The following VGLL4 variants were observed in gnomAD, a reference collection of about 807,000 sequenced individuals.
VGLL4 encodes the protein transcription cofactor vestigial-like protein 4.
VGLL4 carries 7 observed loss-of-function variants against 21.0 expected under a neutral mutation model. The observed-to-expected ratio is 0.33, with a 90% CI of 0.19 to 0.63. The LOEUF (loss-of-function observed/expected upper bound fraction) is 0.63. VGLL4 is among the 20% of genes least tolerant of loss of function. The pLI, the probability that VGLL4 is intolerant of heterozygous loss-of-function variation, is 0.78. For missense variants in VGLL4, 394 were observed against 425.7 expected (o/e 0.93, Z 0.66); for synonymous variants, 222 against 173.2 (o/e 1.28, Z -2.21).
chr3:11,651,741 G>C (rs1391779974), intron 2 of VGLL4, among the ~76,000 whole-genome samples: 1 of 150,998 alleles, frequency 6.6e-6, no homozygotes, highest in African/African-American at 2.4e-5. Flanking sequence ...AAGTACCAGG[G>C]AGTAGCTGAT....
intron 1 of VGLL4, among the ~76,000 whole-genome samples, chr3:11,634,817 G>C (rs1025903168): frequency 6.6e-6 from 1 of 151,830 alleles, no homozygotes; most frequent in Non-Finnish European, 1.5e-5. Flanking sequence ...ATCTGGGATC[G>C]CGCACCAGCA....
intron 3 of VGLL4, 67 bp downstream of exon 3, chr3:11,564,730 G>C: frequency 6.8e-7 from 1 of 1,475,286 alleles, no homozygotes; most frequent in Non-Finnish European, 9.0e-7. Flanking sequence ...TCTGCTCGGG[G>C]CTCTCCATCC....
At chr3:11,651,322 G>A (rs1230521537) in intron 2 of VGLL4, among the ~76,000 whole-genome samples, 2 of 144,594 alleles carry the variant, frequency 1.4e-5, no homozygotes, top group East Asian at 2.0e-4. Context: ...CAGCCTAAGC[G>A]ATAGAGTGAG....
chr3:11,601,525 C>T (rs1005019539), intron 2 of VGLL4, among the ~76,000 whole-genome samples: 2 of 152,128 alleles, frequency 1.3e-5, no homozygotes, highest in Admixed American at 6.5e-5. Context: ...CAAAAAAAAG[C>T]GAAGCTTAGC....
chr3:11,677,871 C>T (rs990804049), intron 2 of VGLL4, among the ~76,000 whole-genome samples: 12 of 148,110 alleles, frequency 8.1e-5, no homozygotes, highest in African/African-American at 3.0e-4. Flanking sequence ...TGCCACTGTA[C>T]TCCATCCAGC....
intron 2 of VGLL4, among the ~76,000 whole-genome samples, chr3:11,589,100 C>T (rs1274234480): frequency 6.6e-6 from 1 of 152,072 alleles, no homozygotes; most frequent in Non-Finnish European, 1.5e-5. Context: ...GGGAGGAGAG[C>T]CCTTCAGGGA....
intron 3 of VGLL4, among the ~76,000 whole-genome samples, chr3:11,563,431 A>T (rs1328767040): frequency 6.6e-6 from 1 of 152,170 alleles, no homozygotes; most frequent in Non-Finnish European, 1.5e-5. Flanking sequence ...CGCACTGCGC[A>T]CACGCCTCTG....
chr3:11,618,814 G>A (rs1007817476), intron 1 of VGLL4, among the ~76,000 whole-genome samples: 2 of 151,778 alleles, frequency 1.3e-5, no homozygotes, highest in Non-Finnish European at 2.9e-5. Context: ...TGAAGGTGAA[G>A]GAGGTTTCCC....
chr3:11,691,696 T>C (rs896617340), intron 2 of VGLL4, among the ~76,000 whole-genome samples: 16 of 152,130 alleles, frequency 1.1e-4, no homozygotes, highest in African/African-American at 3.9e-4. Context: ...CCCCTTTCTC[T>C]CTCTTCACCC....
At chr3:11,616,843 T>A (rs1266210495) in intron 1 of VGLL4, among the ~76,000 whole-genome samples, 1 of 152,188 alleles carries the variant, frequency 6.6e-6, no homozygotes, top group Non-Finnish European at 1.5e-5. Flanking sequence ...GTGGGAGTGA[T>A]AAGTTATGGA....
Position 11,651,499 on chromosome 3 carries a change from G to A in VGLL4, c.65-49477C>T, listed in dbSNP as rs559422133. 1.3e-4 allele frequency among the ~76,000 whole-genome samples: 19 copies of A among 142,656 alleles called. No homozygotes were observed. In the South Asian group the frequency reaches 3.2e-3, roughly 24 times the overall value. The allele number at this position is 142,656 out of a possible 152,430, so 93.6% of individuals were successfully genotyped here. Reference sequence around the variant, plus strand: ...GGCCTAGCTGAATTACCAACCCCCCGCCCCCACCAAGAACCATTAGCTAGG... The same window carrying A: ...GGCCTAGCTGAATTACCAACCCCCCACCCCCACCAAGAACCATTAGCTAGG... On this transcript the variant is annotated intron_variant, in intron 2 of 5. Transcript: ENST00000273038.
At chr3:11,705,316 C>CCG (rs1227284416) in intron 1 of VGLL4, among the ~76,000 whole-genome samples, 1 of 152,202 alleles carries the variant, frequency 6.6e-6, no homozygotes, top group Non-Finnish European at 1.5e-5. Flanking sequence ...GGCACTGGCA[C>CCG]CGGAGCCGCG....
At chr3:11,598,597 C>T (rs796692502) in intron 2 of VGLL4, among the ~76,000 whole-genome samples, 25 of 152,160 alleles carry the variant, frequency 1.6e-4, no homozygotes, top group African/African-American at 5.5e-4. Context: ...TAAAGCTATC[C>T]TCCCACCTCA....
intron 2 of VGLL4, among the ~76,000 whole-genome samples, chr3:11,668,963 C>G (rs1413539277): frequency 6.6e-6 from 1 of 152,220 alleles, no homozygotes; most frequent in South Asian, 2.1e-4. Flanking sequence ...ACCAACCAGG[C>G]TGAAATCATC....
At chr3:11,672,582 T>C (rs1238683723) in intron 2 of VGLL4, among the ~76,000 whole-genome samples, 1 of 152,220 alleles carries the variant, frequency 6.6e-6, no homozygotes, top group African/African-American at 2.4e-5. Context: ...AATGACATAC[T>C]CATCCTGAGC....
At chr3:11,664,074 CTAAAAACACAAAA>C (rs1453830723) in intron 2 of VGLL4, among the ~76,000 whole-genome samples, 3 of 152,044 alleles carry the variant, frequency 2.0e-5, no homozygotes, top group Non-Finnish European at 2.9e-5. Flanking sequence ...CAAATCTCTA[CTAAAAACACAAAA>C]ATTAGCCGGG....
intron 2 of VGLL4, among the ~76,000 whole-genome samples, chr3:11,679,780 T>A (rs1405509398): frequency 6.6e-6 from 1 of 152,236 alleles, no homozygotes; most frequent in East Asian, 1.9e-4. Flanking sequence ...TAAGTATTAT[T>A]ATGAGTCAAA....
Position 11,556,252 on chromosome 3 carries a change from T to C in VGLL4, c.*2304A>G, listed in dbSNP as rs1280149295. On this transcript the variant is annotated 3_prime_UTR_variant, in exon 5 of 5. Transcript: ENST00000430365. ...AGGCAGCGCGGCTCTGGGAAGAACTTCACGGAGCCCCTTCTTAGAGCAGGG... is the reference window on the plus strand; with the variant it reads ...AGGCAGCGCGGCTCTGGGAAGAACTCCACGGAGCCCCTTCTTAGAGCAGGG... The C allele has an allele frequency of 6.6e-6, 1 of 152,546 alleles. No homozygotes were observed. The highest frequency in any genetic ancestry group is 1.5e-5 in the Non-Finnish European group (1 of 68,000). 9.4% of individuals were successfully genotyped at this position (152,546 alleles called of 1,614,324 possible). A position where few individuals can be genotyped will look rare whatever the true frequency, so the allele number is the denominator to read the frequency against.
At chr3:11,645,024 T>G (rs1260889754), upstream of VGLL4, among the ~76,000 whole-genome samples, 1 of 151,952 alleles carries the variant, frequency 6.6e-6, no homozygotes, top group East Asian at 1.9e-4. Flanking sequence ...TGTAAGAAGC[T>G]AGTGGCATGC....
Sources: allele counts gnomAD v4.1 joint callset (sites outside exome capture counted in the v4.1 genomes callset), GRCh38; gene constraint gnomAD v4.1.1; transcripts MANE v1.5; gene names NCBI Gene and HGNC (gene_info 2026-07-23, HGNC 2026-07-21).